The following MTRF1 variants were observed in gnomAD, a reference collection of about 807,000 sequenced individuals.
MTRF1 encodes the protein mitochondrial translation release factor 1, also known as peptide chain release factor 1, mitochondrial.
In MTRF1, 51 loss-of-function variants were observed where a neutral mutation model predicts 62.9. The ratio of observed to expected loss-of-function variants is 0.81; its 90% CI spans 0.65 to 1.02. MTRF1 has a LOEUF of 1.02. Ranked by LOEUF, MTRF1 falls within the 50% of genes least tolerant of loss-of-function variation. The pLI is 0.00. For missense variants in MTRF1, 446 were observed against 530.0 expected, an observed-to-expected ratio of 0.84 and a Z score of 1.56; for synonymous variants, 158 against 181.9, an observed-to-expected ratio of 0.87 and a Z score of 1.06.
chr13:41,292,748 C>T, the MTRF1 span, among the ~76,000 whole-genome samples: 1 of 151,796 alleles, frequency 6.6e-6, no homozygotes, highest in African/African-American at 2.4e-5. Flanking sequence ...TAGTGAGACC[C>T]TCATCTCAAT....
At chr13:41,294,244 C>G in the MTRF1 span, among the ~76,000 whole-genome samples, 1 of 151,662 alleles carries the variant, frequency 6.6e-6, no homozygotes, top group Admixed American at 6.6e-5. Context: ...ATGGTGAAAC[C>G]CCGTCTCTAC....
At chr13:41,244,715 C>T (rs2038009011) in intron 5 of MTRF1, among the ~76,000 whole-genome samples, 1 of 152,122 alleles carries the variant, frequency 6.6e-6, no homozygotes, top group African/African-American at 2.4e-5. Flanking sequence ...GAGAGGCCCT[C>T]GTGGTGAAAA....
intron 2 of MTRF1, 147 bp downstream of exon 2, chr13:41,260,346 C>G: frequency 1.2e-6 from 1 of 822,500 alleles, no homozygotes; most frequent in Non-Finnish European, 1.8e-6. Context: ...AAGTGAGAAC[C>G]TGCTTCTGTG....
chr13:41,258,021 C>T (rs953900021), intron 2 of MTRF1, among the ~76,000 whole-genome samples: 5 of 152,144 alleles, frequency 3.3e-5, no homozygotes, highest in Non-Finnish European at 7.3e-5. Context: ...CATGATACAA[C>T]CAAGGCTGAA....
the MTRF1 span, among the ~76,000 whole-genome samples, chr13:41,302,129 C>T: frequency 6.6e-5 from 10 of 151,662 alleles, no homozygotes; most frequent in Admixed American, 5.9e-4. Flanking sequence ...TGGGTTCAAG[C>T]GATTCTCCTG....
At chr13:41,255,833 T>G (rs1161303480) in intron 2 of MTRF1, among the ~76,000 whole-genome samples, 1 of 152,154 alleles carries the variant, frequency 6.6e-6, no homozygotes, top group Non-Finnish European at 1.5e-5. Flanking sequence ...AAGATAACAA[T>G]GATCTAGTTA....
At position 41,260,653 on chromosome 13, in the gene MTRF1, C is replaced by T. The variant is rs779344805; in HGVS notation, c.255G>A (p.Glu85=). 1.9e-6 allele frequency: 3 copies of T among 1,614,218 alleles called. No homozygotes were observed. The highest frequency in any genetic ancestry group is 1.3e-5 in the African/African-American group (1 of 75,066). Reference sequence around the variant, plus strand: ...GCAGACATTGCTCAAGTGTTTGGTACTCCTTACTCAGGTTCTCCATATATT... The same window carrying T: ...GCAGACATTGCTCAAGTGTTTGGTATTCCTTACTCAGGTTCTCCATATATT... ...LQKYMENLSK[E]YQTLEQCLQH... The change falls in exon 2 of 10, where the codon GAG becomes GAA. Residue 85 remains glutamate (E), a synonymous_variant. Transcript: ENST00000379480.
At chr13:41,282,561 C>A in the MTRF1 span, among the ~76,000 whole-genome samples, 1 of 152,174 alleles carries the variant, frequency 6.6e-6, no homozygotes, top group African/African-American at 2.4e-5. Flanking sequence ...ATCTGGAAGC[C>A]CAACTTGGAA....
chr13:41,234,626 G>A (rs1010041448), intron 6 of MTRF1, among the ~76,000 whole-genome samples: 9 of 152,166 alleles, frequency 5.9e-5, no homozygotes, highest in Non-Finnish European at 1.5e-5. Context: ...ACTATATATT[G>A]TTGATTCTCA....
intron 9 of MTRF1, among the ~76,000 whole-genome samples, chr13:41,219,881 C>T (rs1214331771): frequency 3.3e-5 from 5 of 151,076 alleles, no homozygotes; most frequent in Non-Finnish European, 5.9e-5. Flanking sequence ...GCCTGTAATC[C>T]CAGCTATTCC....
At chr13:41,234,392 T>C (rs4942026) in intron 6 of MTRF1, among the ~76,000 whole-genome samples, 96,845 of 151,976 alleles carry the variant, frequency 0.64, 31,122 homozygotes, top group Admixed American at 0.66. Context: ...TTGCCCAGGC[T>C]GGTCTTGAAC....
At chr13:41,296,593 ATCT>A in the MTRF1 span, among the ~76,000 whole-genome samples, 24 of 152,154 alleles carry the variant, frequency 1.6e-4, no homozygotes, top group Non-Finnish European at 2.9e-4. Flanking sequence ...ATAATATTAG[ATCT>A]TCTCTCAGTT....
At chr13:41,239,271 G>A (rs1034521086) in intron 6 of MTRF1, among the ~76,000 whole-genome samples, 2 of 151,984 alleles carry the variant, frequency 1.3e-5, no homozygotes, top group African/African-American at 2.4e-5. Flanking sequence ...TAAAAAATTG[G>A]GGGCTGATTA....
chr13:41,300,296 A>G, the MTRF1 span, among the ~76,000 whole-genome samples: 2 of 152,208 alleles, frequency 1.3e-5, no homozygotes, highest in South Asian at 4.1e-4. Context: ...TTTCTAAAAA[A>G]TAATTAGAGG....
At chr13:41,234,746 A>G (rs920734388) in intron 6 of MTRF1, among the ~76,000 whole-genome samples, 2 of 152,232 alleles carry the variant, frequency 1.3e-5, no homozygotes, top group Non-Finnish European at 2.9e-5. Flanking sequence ...TGCATAGGGC[A>G]GTGAAAAATA....
Position 41,249,073 on chromosome 13 carries a change from A to G in MTRF1, c.697+3572T>C, listed in dbSNP as rs1413253567. Among the ~76,000 whole-genome samples, 8 of 140,730 alleles carry G rather than the reference A, an allele frequency of 5.7e-5. No individual in the cohort carries two copies. In the East Asian group the frequency reaches 1.7e-3, roughly 29 times the overall value. The allele number at this position is 140,730 out of a possible 152,430, so 92.3% of individuals were successfully genotyped here. A position where few individuals can be genotyped will look rare whatever the true frequency, so the allele number is the denominator to read the frequency against. Reference sequence around the variant, plus strand: ...CTGTTTCTTTTCAACTTTAGCTTTTAGTGCTATGTGAATCTCTGTGCTTAT... The same window carrying G: ...CTGTTTCTTTTCAACTTTAGCTTTTGGTGCTATGTGAATCTCTGTGCTTAT... On this transcript the variant is annotated intron_variant, in intron 5 of 9. Transcript: ENST00000379480.
intron 1 of MTRF1, among the ~76,000 whole-genome samples, chr13:41,262,726 T>C (rs949824174): frequency 4.6e-5 from 7 of 152,160 alleles, no homozygotes; most frequent in African/African-American, 1.7e-4. Flanking sequence ...CCCAGGAGAC[T>C]GAGGCAGGAG....
intron 1 of MTRF1, 74 bp downstream of exon 1, chr13:41,263,411 T>A: frequency 1.6e-6 from 1 of 631,794 alleles, no homozygotes; most frequent in Non-Finnish European, 2.6e-6. Context: ...GCTGTGTAAC[T>A]CAGTATATGG....
chr13:41,246,680 C>T (rs1207814141), intron 5 of MTRF1, among the ~76,000 whole-genome samples: 3 of 152,134 alleles, frequency 2.0e-5, no homozygotes, highest in African/African-American at 7.2e-5. Flanking sequence ...TGTGGTAGGA[C>T]GGACATACTA....
Sources: gnomAD v4.1 joint callset for allele counts (sites outside exome capture counted in the v4.1 genomes callset) on GRCh38, gnomAD v4.1.1 for gene constraint, MANE v1.5 for transcripts, NCBI Gene and HGNC (gene_info 2026-07-23, HGNC 2026-07-21) for gene names.